The following MYO1E variants were observed in gnomAD, a reference collection of about 807,000 sequenced individuals.
The protein encoded by MYO1E is unconventional myosin-Ie.
A neutral mutation model predicts 151.1 loss-of-function variants in MYO1E; 68 were observed. The observed-to-expected ratio is 0.45, with a 90% CI of 0.37 to 0.55. The LOEUF is 0.55. Among genes scored for constraint, MYO1E ranks in the 20% least tolerant of loss-of-function variants. The pLI, the probability that MYO1E is intolerant of heterozygous loss-of-function variation, is 0.00. For missense variants in MYO1E, 1,363 were observed against 1,389.3 expected (o/e 0.98, Z 0.30); for synonymous variants, 601 against 501.7 (o/e 1.20, Z -2.64).
intron 1 of MYO1E, among the ~76,000 whole-genome samples, chr15:59,303,221 G>A (rs2080493397): frequency 6.6e-6 from 1 of 152,194 alleles, no homozygotes; most frequent in Admixed American, 6.5e-5. Context: ...AAGCCAGCCT[G>A]AGCAACGTGG....
Position 59,159,841 on chromosome 15 carries a change from C to CTAATTAAT in MYO1E, c.2785+1224_2785+1231dup, listed in dbSNP as rs139112417. On this transcript the variant is annotated intron_variant, in intron 24 of 27. Transcript: ENST00000288235. This position sits in a 1 kb window ranked among gnomAD's most constrained non-coding sequence, Gnocchi z 4.4. ...CTTTGCAGACAGATTTGAGAAATGG[C>CTAATTAAT]TAATTAATTAATTAATTTTTGAGAT... Among the ~76,000 whole-genome samples the CTAATTAAT allele has an allele frequency of 1.3e-5, 2 of 151,830 alleles. No individual in the cohort carries two copies. Among genetic ancestry groups the CTAATTAAT allele is most frequent in the African/African-American group, 4.9e-5 (2 of 41,200 alleles).
intron 1 of MYO1E, among the ~76,000 whole-genome samples, chr15:59,353,773 C>A (rs12324107): frequency 3.4e-5 from 5 of 145,464 alleles, no homozygotes; most frequent in African/African-American, 5.3e-5. Flanking sequence ...AAAAAAAAAA[C>A]AAAGAAAGAA....
chr15:59,173,850 C>G lies in MYO1E; in HGVS notation c.2230G>C (p.Asp744His), dbSNP rs745727549. The G allele has an allele frequency of 6.2e-7, 1 of 1,614,074 alleles. No individual in the cohort carries two copies. The highest frequency in any genetic ancestry group is 1.7e-5 in the Admixed American group (1 of 60,012). The stretch of plus-strand genomic sequence containing the variant: ...GGGTGCTCTTCCATCCCAATATAAT[C>G]CCCTATAAAGTTCCTGTTAATACTG... The part of the protein sequence containing the change: ...RNSINRNFIG[D>H]YIGMEEHPEL... The change falls in exon 21 of 28, where the codon GAT (aspartate) becomes CAT (histidine). Residue 744 changes from aspartate to histidine, a missense_variant. Asp to His is a moderately conservative substitution (Grantham distance 81). Coordinates refer to ENST00000288235, the MANE Select transcript of MYO1E (RefSeq NM_004998.4).
chr15:59,369,963 T>TTTCTTCTTC (rs373650655), intron 1 of MYO1E, among the ~76,000 whole-genome samples: 11 of 151,490 alleles, frequency 7.3e-5, no homozygotes, highest in African/African-American at 2.7e-4. Context: ...GGGCCTTCTT[T>TTTCTTCTTC]TTCTTCTTCT....
rs1344291242 is a variant in MYO1E, at chr15:59,224,773, G to T, written c.693C>A (p.Ser231Arg). Residue 231 changes from serine to arginine, a missense_variant, in exon 8 of 28, where the codon AGC (serine) becomes AGA (arginine). By Grantham distance (110) the Ser-to-Arg change is moderately radical (BLOSUM62 -1). Transcript: ENST00000288235. ...GGCTCAGGTAGTAATAATAGTCCAT[G>T]CTGGTGATGCCAAGGCTGTGTTTCT... is the stretch of plus-strand genomic sequence containing the variant. ...AEQKHSLGIT[S>R]MDYYYYLSLS... 6.2e-7 allele frequency: 1 copy of T among 1,614,198 alleles called. No homozygotes were observed. The highest frequency in any genetic ancestry group is 2.2e-5 in the East Asian group (1 of 44,878).
chr15:59,269,777 T>G (rs1314427098), intron 2 of MYO1E, among the ~76,000 whole-genome samples: 1 of 151,718 alleles, frequency 6.6e-6, no homozygotes, highest in African/African-American at 2.4e-5. Context: ...GGAGTGAATC[T>G]GGGAGGCGAA....
Position 59,372,802 on chromosome 15 carries a change from G to C in MYO1E, c.-302C>G, listed in dbSNP as rs1394774627. ...CAGGTGAGTCCGATGCGCTCGGAGC[G>C]TCCGCCTCGCTCCCCTGCCTCACTC... On this transcript the variant is annotated 5_prime_UTR_variant, in exon 1 of 28. Coordinates refer to ENST00000288235, the MANE Select transcript of MYO1E (RefSeq NM_004998.4). 3 of 489,562 alleles carry C rather than the reference G, an allele frequency of 6.1e-6. No individual in the cohort carries two copies. The highest frequency in any genetic ancestry group is 1.1e-5 in the Non-Finnish European group (3 of 277,362). 30.3% of individuals were successfully genotyped at this position (489,562 alleles called of 1,614,324 possible).
chr15:59,308,333 C>G (rs184901813), intron 1 of MYO1E, among the ~76,000 whole-genome samples: 2 of 148,044 alleles, frequency 1.4e-5, no homozygotes, highest in Non-Finnish European at 3.0e-5. Context: ...GTCAGGAGTT[C>G]GAGACCAGCA....
intron 21 of MYO1E, among the ~76,000 whole-genome samples, chr15:59,173,125 G>C (rs1418928719): frequency 6.6e-6 from 1 of 152,220 alleles, no homozygotes; most frequent in African/African-American, 2.4e-5. Context: ...GGCTGGAAAA[G>C]CCTTACTTAT....
chr15:59,363,537 T>C (rs1165978143), intron 1 of MYO1E, among the ~76,000 whole-genome samples: 3 of 152,220 alleles, frequency 2.0e-5, no homozygotes, highest in Non-Finnish European at 4.4e-5. Context: ...TTGTCAAATT[T>C]AGAAATAATT....
chr15:59,341,111 T>G (rs1254422991), intron 1 of MYO1E, among the ~76,000 whole-genome samples: 1 of 152,044 alleles, frequency 6.6e-6, no homozygotes, highest in African/African-American at 2.4e-5. Flanking sequence ...CATATATAAG[T>G]AGGTGTATAT....
chr15:59,239,747 A>G (rs2080088991), intron 4 of MYO1E, among the ~76,000 whole-genome samples: 1 of 152,218 alleles, frequency 6.6e-6, no homozygotes, highest in Admixed American at 6.5e-5. Context: ...CTCACTAAAC[A>G]TTGATCGGAA....
intron 1 of MYO1E, among the ~76,000 whole-genome samples, chr15:59,282,096 T>C (rs144900034): frequency 6.6e-6 from 1 of 152,348 alleles, no homozygotes; most frequent in East Asian, 1.9e-4. Context: ...ATTGGGCCTT[T>C]TCTTGTCAAT....
At chr15:59,139,971 C>T (rs1194429446) in intron 26 of MYO1E, among the ~76,000 whole-genome samples, 2 of 152,104 alleles carry the variant, frequency 1.3e-5, no homozygotes, top group African/African-American at 4.8e-5. Context: ...CTTTGCCCCT[C>T]CAAAAATGTT....
chr15:59,303,006 C>G (rs1219057873), intron 1 of MYO1E, among the ~76,000 whole-genome samples: 1 of 152,056 alleles, frequency 6.6e-6, no homozygotes, highest in Admixed American at 6.5e-5. Context: ...GTGAGAATAC[C>G]CCTCAGAATC....
chr15:59,318,411 T>C (rs2140415135), intron 1 of MYO1E, among the ~76,000 whole-genome samples: 2 of 152,256 alleles, frequency 1.3e-5, no homozygotes, highest in South Asian at 2.1e-4. Flanking sequence ...CTGGAAATGC[T>C]AGACACAACA....
intron 1 of MYO1E, among the ~76,000 whole-genome samples, chr15:59,315,031 G>A (rs768527703): frequency 2.6e-5 from 4 of 152,122 alleles, no homozygotes; most frequent in South Asian, 4.1e-4. Flanking sequence ...TTTAATAAAC[G>A]TATGGGCCAA....
chr15:59,269,664 C>T (rs934238282), intron 2 of MYO1E, among the ~76,000 whole-genome samples: 11 of 152,094 alleles, frequency 7.2e-5, no homozygotes, highest in African/African-American at 1.9e-4. Context: ...GAGACCATCC[C>T]GGCCAACATG....
intron 1 of MYO1E, among the ~76,000 whole-genome samples, chr15:59,353,513 T>TG (rs1309039885): frequency 2.4e-4 from 36 of 151,510 alleles, no homozygotes; most frequent in African/African-American, 8.5e-4. Context: ...TCTCAGCACT[T>TG]TGGGAGGCTG....
Sources: gnomAD v4.1 joint callset for allele counts (sites outside exome capture counted in the v4.1 genomes callset) on GRCh38, gnomAD v4.1.1 for gene constraint, Gnocchi (gnomAD v3.1) non-coding constraint, MANE v1.5 for transcripts, NCBI Gene and HGNC (gene_info 2026-07-23, HGNC 2026-07-21) for gene names.